TGFBR3: variants seen among roughly 807,000 people sequenced by gnomAD.
The protein encoded by TGFBR3 is transforming growth factor beta receptor type 3.
In TGFBR3, 46 loss-of-function variants were observed where a neutral mutation model predicts 87.9. That is an observed-to-expected ratio of 0.52 (90% confidence interval 0.41 to 0.67). The LOEUF (loss-of-function observed/expected upper bound fraction) is 0.67, where lower values mean the gene tolerates loss of function less well. Ranked by LOEUF, TGFBR3 falls within the 30% of genes least tolerant of loss-of-function variation. The pLI is 0.00. For synonymous variants in TGFBR3, 381 were observed against 391.6 expected (o/e 0.97, Z 0.32); for missense variants, 866 against 1,041.9 (o/e 0.83, Z 2.32).
intron 16 of TGFBR3, among the ~76,000 whole-genome samples, chr1:91,693,870 G>T (rs1034805327): frequency 6.6e-6 from 1 of 152,160 alleles, no homozygotes; most frequent in South Asian, 2.1e-4. Flanking sequence ...GTATTCCTGC[G>T]ACAAAATTAC....
At chr1:91,787,943 G>GAA (rs111981257) in intron 3 of TGFBR3, among the ~76,000 whole-genome samples, 126 of 133,306 alleles carry the variant, frequency 9.5e-4, no homozygotes, top group African/African-American at 3.7e-3. Context: ...GTCTCACGGG[G>GAA]AAAAAAAAAA....
chr1:91,902,034 T>G (rs1192641179), intron 1 of TGFBR3, among the ~76,000 whole-genome samples: 2 of 152,088 alleles, frequency 1.3e-5, no homozygotes, highest in East Asian at 3.9e-4. Flanking sequence ...TTATAATAAT[T>G]TTTGTTTTAA....
intron 2 of TGFBR3, among the ~76,000 whole-genome samples, chr1:91,848,339 C>G (rs184263068): frequency 3.4e-4 from 52 of 152,298 alleles, no homozygotes; most frequent in Non-Finnish European, 5.7e-4. Flanking sequence ...TCAAGGCCTA[C>G]TAAAACAGAA....
At chr1:91,852,642 C>A (rs1677783065) in intron 2 of TGFBR3, among the ~76,000 whole-genome samples, 1 of 152,148 alleles carries the variant, frequency 6.6e-6, no homozygotes, top group Non-Finnish European at 1.5e-5. Flanking sequence ...TCTCGGCTCA[C>A]CGCAACCTCC....
rs11466585 is a variant in TGFBR3 at position 91,729,954 on chromosome 1, C to T, written c.588G>A (p.Lys196=). 198 of 1,614,098 alleles carry T rather than the reference C, an allele frequency of 1.2e-4. No individual in the cohort carries two copies. The African/African-American group carries it at 2.4e-3, about 20-fold the overall frequency. Reference sequence around the variant, plus strand: ...AGAGAAAATTCTTCCCTATGTTGCACTTTGGAGGGAACACTTGATCTGAAA... The same window carrying T: ...AGAGAAAATTCTTCCCTATGTTGCATTTTGGAGGGAACACTTGATCTGAAA... The part of the protein sequence containing the change: ...KVGEDQVFPP[K]CNIGKNFLSL... The change falls in exon 6 of 17, where the codon AAG becomes AAA. Residue 196 remains lysine, a synonymous_variant. Transcript: ENST00000212355.
chr1:91,710,563 G>A (rs1047011822), intron 13 of TGFBR3, among the ~76,000 whole-genome samples: 9 of 148,764 alleles, frequency 6.0e-5, no homozygotes, highest in Non-Finnish European at 1.3e-4. Flanking sequence ...ATTCTTTGGC[G>A]CTCTCTATTG....
chr1:91,776,678 G>A (rs1239866048), intron 3 of TGFBR3, among the ~76,000 whole-genome samples: 1 of 152,160 alleles, frequency 6.6e-6, no homozygotes, highest in Non-Finnish European at 1.5e-5. Context: ...CCTGCCTACA[G>A]GTCCCTGGAT....
intron 11 of TGFBR3, 39 bp downstream of exon 11, chr1:91,716,529 G>T (rs1337773305): frequency 1.2e-6 from 2 of 1,613,920 alleles, no homozygotes; most frequent in Admixed American, 3.3e-5. Context: ...AAAATAGACA[G>T]CATTTTCCAC....
intron 3 of TGFBR3, among the ~76,000 whole-genome samples, chr1:91,758,959 T>C (rs1038900351): frequency 1.3e-5 from 2 of 152,202 alleles, no homozygotes; most frequent in African/African-American, 4.8e-5. Flanking sequence ...GGCTATTTCA[T>C]ATTAGTCAAC....
intron 14 of TGFBR3, 96 bp downstream of exon 14, chr1:91,708,567 T>C (rs1184465584): frequency 1.9e-6 from 3 of 1,592,866 alleles, no homozygotes; most frequent in Non-Finnish European, 1.7e-6. Context: ...CCTTTAGTTA[T>C]CTTGTGAATA....
intron 2 of TGFBR3, among the ~76,000 whole-genome samples, chr1:91,892,360 C>T (rs964638223): frequency 4.0e-5 from 6 of 151,850 alleles, no homozygotes; most frequent in African/African-American, 9.7e-5. Context: ...AGAACTAGCC[C>T]CACCTCTTTT....
chr1:91,716,145 G>A, intron 12 of TGFBR3, 91 bp downstream of exon 12: 4 of 1,502,150 alleles, frequency 2.7e-6, no homozygotes, highest in Non-Finnish European at 3.7e-6. Flanking sequence ...GGTAGGACAG[G>A]AAGAGGTCTG....
intron 16 of TGFBR3, among the ~76,000 whole-genome samples, chr1:91,691,059 T>C (rs1249009449): frequency 2.6e-5 from 4 of 152,062 alleles, no homozygotes; most frequent in Non-Finnish European, 5.9e-5. Flanking sequence ...TTAAAAAATT[T>C]GAAGCCAGTA....
intron 2 of TGFBR3, among the ~76,000 whole-genome samples, chr1:91,807,068 C>T (rs944364958): frequency 3.9e-5 from 6 of 152,202 alleles, no homozygotes; most frequent in South Asian, 2.1e-4. Flanking sequence ...CTCACAAACA[C>T]GCCTGACGTG....
chr1:91,881,961 C>T (rs979952768), intron 1 of TGFBR3, among the ~76,000 whole-genome samples: 16 of 151,706 alleles, frequency 1.1e-4, no homozygotes, highest in Admixed American at 9.8e-4. Flanking sequence ...ATCTCTTGAA[C>T]CTGGGAGGCG....
chr1:91,781,347 A>G (rs1674760084), intron 3 of TGFBR3, among the ~76,000 whole-genome samples: 1 of 152,210 alleles, frequency 6.6e-6, no homozygotes, highest in Non-Finnish European at 1.5e-5. Context: ...AAAGCTAGAG[A>G]ACAAAAATTA....
At chr1:91,800,328 A>ATATATG (rs1675567361) in intron 2 of TGFBR3, among the ~76,000 whole-genome samples, 1 of 122,578 alleles carries the variant, frequency 8.2e-6, no homozygotes, top group Non-Finnish European at 1.7e-5. Context: ...ATATATGTGT[A>ATATATG]TATGTGTGTG....
At chr1:91,725,208 A>T (rs1672507487) in intron 7 of TGFBR3, among the ~76,000 whole-genome samples, 1 of 152,138 alleles carries the variant, frequency 6.6e-6, no homozygotes, top group Non-Finnish European at 1.5e-5. Context: ...TGCCATCTGG[A>T]GGACACATTC....
intron 13 of TGFBR3, among the ~76,000 whole-genome samples, chr1:91,710,511 G>GCA (rs1212114621): frequency 2.6e-5 from 4 of 152,138 alleles, no homozygotes; most frequent in African/African-American, 9.7e-5. Context: ...TCAGCAAAGG[G>GCA]CAGGGTTGGT....
Sources: allele counts gnomAD v4.1 joint callset (sites outside exome capture counted in the v4.1 genomes callset), GRCh38; gene constraint gnomAD v4.1.1; transcripts MANE v1.5; gene names NCBI Gene and HGNC (gene_info 2026-07-23, HGNC 2026-07-21).